The following LRRC4C variants were observed in gnomAD, a reference collection of about 807,000 sequenced individuals.
The protein encoded by LRRC4C is leucine-rich repeat-containing protein 4C.
Under a neutral mutation model 33.6 loss-of-function variants are expected in LRRC4C, and 5 were observed. That is an observed-to-expected ratio of 0.15 (90% CI 0.08 to 0.31). The LOEUF is 0.31. Ranked by LOEUF, LRRC4C falls within the 10% of genes least tolerant of loss-of-function variation. LRRC4C has a pLI of 1.00. For synonymous variants in LRRC4C, 329 were observed against 302.0 expected (o/e 1.09, Z -0.93); for missense variants, 560 against 796.7 (o/e 0.70, Z 3.58).
intron 1 of LRRC4C, among the ~76,000 whole-genome samples, chr11:41,131,998 A>T (rs1199037160): frequency 1.3e-5 from 2 of 152,156 alleles, no homozygotes; most frequent in Non-Finnish European, 2.9e-5. Context: ...AAATATACTC[A>T]GTTGAGCAGC....
intron 6 of LRRC4C, among the ~76,000 whole-genome samples, chr11:40,137,648 C>G (rs1857072914): frequency 1.3e-5 from 2 of 152,080 alleles, no homozygotes; most frequent in Admixed American, 1.3e-4. Flanking sequence ...AAATTAAGAA[C>G]AATGGAATTG....
intron 2 of LRRC4C, among the ~76,000 whole-genome samples, chr11:40,902,364 G>T (rs1956245533): frequency 6.6e-6 from 1 of 151,992 alleles, no homozygotes; most frequent in African/African-American, 2.4e-5. Flanking sequence ...TCAATGATGG[G>T]CTGTTCTCTC....
At chr11:40,539,095 G>T (rs995511247) in intron 3 of LRRC4C, among the ~76,000 whole-genome samples, 1 of 152,012 alleles carries the variant, frequency 6.6e-6, no homozygotes, top group South Asian at 2.1e-4. Context: ...AAGTATTGCC[G>T]ACCAAGCTTT....
At chr11:41,056,011 A>C (rs1233273409) in intron 1 of LRRC4C, among the ~76,000 whole-genome samples, 11 of 152,220 alleles carry the variant, frequency 7.2e-5, no homozygotes. Context: ...GGCATTAAGA[A>C]GTGTTAGTTA....
intron 1 of LRRC4C, among the ~76,000 whole-genome samples, chr11:41,197,198 A>G (rs1946214229): frequency 6.6e-6 from 1 of 152,042 alleles, no homozygotes; most frequent in African/African-American, 2.4e-5. Context: ...TCATCCACAG[A>G]TCTCTATACC....
chr11:40,679,996 G>C lies in LRRC4C; in HGVS notation c.-406-31718C>G, dbSNP rs117718281. 3.6e-3 allele frequency among the ~76,000 whole-genome samples: 551 copies of C among 152,260 alleles called. 1 individual carries two copies. The highest frequency in any genetic ancestry group is 5.6e-3 in the Non-Finnish European group (381 of 68,022). ...AGCCCGTGAAAGCAGCTATTAGGGG[G>C]GATATACCTTGCAAAGCCCTAGGGG... is the stretch of plus-strand genomic sequence containing the variant. On this transcript the variant is annotated intron_variant, in intron 2 of 6. Transcript: ENST00000528697.
At chr11:40,731,277 C>A (rs74665893) in intron 2 of LRRC4C, among the ~76,000 whole-genome samples, 56,655 of 151,670 alleles carry the variant, frequency 0.37, 10,884 homozygotes, top group African/African-American at 0.4. Flanking sequence ...TGAGATCACG[C>A]CACTGCACTC....
intron 2 of LRRC4C, among the ~76,000 whole-genome samples, chr11:40,817,307 CAG>C (rs1951745543): frequency 6.6e-6 from 1 of 152,108 alleles, no homozygotes; most frequent in African/African-American, 2.4e-5. Flanking sequence ...GACAGACAGA[CAG>C]AGAGACTTTC....
chr11:40,615,265 T>TATATATATATATATATATATATATAC (rs1490740198), intron 3 of LRRC4C, among the ~76,000 whole-genome samples: 1 of 53,442 alleles, frequency 1.9e-5, no homozygotes, highest in African/African-American at 3.8e-5. Flanking sequence ...TATATATATA[T>TATATATATATATATATATATATATAC]ACACACACAC....
intron 1 of LRRC4C, among the ~76,000 whole-genome samples, chr11:41,136,873 G>A (rs955749503): frequency 2.6e-5 from 4 of 152,134 alleles, no homozygotes; most frequent in African/African-American, 7.2e-5. Flanking sequence ...ACAAGGAAAA[G>A]CCTTAACTTT....
chr11:40,721,402 T>C (rs753273832), intron 2 of LRRC4C, among the ~76,000 whole-genome samples: 8 of 152,184 alleles, frequency 5.3e-5, no homozygotes, highest in South Asian at 2.1e-4. Context: ...TCTGAGACTT[T>C]CCAGGCTCCA....
intron 1 of LRRC4C, among the ~76,000 whole-genome samples, chr11:41,197,114 C>G (rs888098847): frequency 6.6e-6 from 1 of 152,070 alleles, no homozygotes; most frequent in African/African-American, 2.4e-5. Context: ...AAACAAGTTA[C>G]AGCTACACTT....
intron 4 of LRRC4C, among the ~76,000 whole-genome samples, chr11:40,247,038 A>G (rs1452469): frequency 0.75 from 114,044 of 151,690 alleles, 46,547 homozygotes; most frequent in East Asian, 0.95. Context: ...GAGACTGAAT[A>G]TTTCCTCTAT....
intron 1 of LRRC4C, among the ~76,000 whole-genome samples, chr11:40,952,849 A>AACACACACACACAC (rs56684958): frequency 2.2e-4 from 25 of 112,786 alleles, no homozygotes; most frequent in African/African-American, 7.0e-4. Flanking sequence ...TCTATTTCCA[A>AACACACACACACAC]ACACACACAC....
chr11:40,677,902 G>T (rs941223926), intron 2 of LRRC4C, among the ~76,000 whole-genome samples: 1 of 151,936 alleles, frequency 6.6e-6, no homozygotes, highest in Non-Finnish European at 1.5e-5. Context: ...GGAGTTTTAC[G>T]TGCTATCTTG....
intron 3 of LRRC4C, among the ~76,000 whole-genome samples, chr11:40,568,888 C>T (rs1048718043): frequency 1.3e-5 from 2 of 152,030 alleles, no homozygotes; most frequent in Non-Finnish European, 2.9e-5. Flanking sequence ...AAAGAGTCTA[C>T]CTTGGTTTCA....
intron 2 of LRRC4C, among the ~76,000 whole-genome samples, chr11:40,743,460 T>G (rs1442702893): frequency 6.6e-6 from 1 of 152,070 alleles, no homozygotes; most frequent in Non-Finnish European, 1.5e-5. Flanking sequence ...ATGCATTCAC[T>G]TCTGAAAACG....
At chr11:40,370,819 A>C (rs975970626) in intron 3 of LRRC4C, among the ~76,000 whole-genome samples, 1 of 152,250 alleles carries the variant, frequency 6.6e-6, no homozygotes, top group African/African-American at 2.4e-5. Flanking sequence ...AAAATAAAAT[A>C]AAATATTCCC....
chr11:41,260,495 G>A (rs1160705905), intron 1 of LRRC4C, among the ~76,000 whole-genome samples: 1 of 151,970 alleles, frequency 6.6e-6, no homozygotes, highest in Non-Finnish European at 1.5e-5. Flanking sequence ...AGTTAAGGAT[G>A]CCAGGTGGAA....
Sources: gnomAD v4.1 joint callset for allele counts (sites outside exome capture counted in the v4.1 genomes callset) on GRCh38, gnomAD v4.1.1 for gene constraint, MANE v1.5 for transcripts, NCBI Gene and HGNC (gene_info 2026-07-23, HGNC 2026-07-21) for gene names.